GNAQ: variants seen among roughly 807,000 people sequenced by gnomAD.
The protein encoded by GNAQ is G protein subunit alpha q, also known as guanine nucleotide-binding protein G(q) subunit alpha.
GNAQ carries 8 observed loss-of-function variants against 43.9 expected under a neutral mutation model. The observed-to-expected ratio is 0.18, with a 90% CI of 0.11 to 0.33. GNAQ has a LOEUF of 0.33. Among genes scored for constraint, GNAQ ranks in the 10% least tolerant of loss-of-function variants. The pLI, the probability that GNAQ is intolerant of heterozygous loss-of-function variation, is 1.00. For synonymous variants in GNAQ, 155 were observed against 170.7 expected, an observed-to-expected ratio of 0.91 and a Z score of 0.71; for missense variants, 158 against 450.8, an observed-to-expected ratio of 0.35 and a Z score of 5.88.
Position 78,031,091 on chromosome 9 carries a change from G to A in GNAQ, c.136+9C>T, listed in dbSNP as rs531060635. 2.0e-6 allele frequency: 3 copies of A among 1,499,524 alleles called. No individual in the cohort carries two copies. The highest frequency in any genetic ancestry group is 1.3e-5 in the South Asian group (1 of 79,424). The allele number at this position is 1,499,524 out of a possible 1,614,324, so 92.9% of individuals were successfully genotyped here. A position where few individuals can be genotyped will look rare whatever the true frequency, so the allele number is the denominator to read the frequency against. On this transcript the variant is annotated intron_variant, in intron 1 of 6. Transcript: ENST00000286548. ...GCAGAGGCCCGGCGGGGCCCCGGACGGTACTCACCGAGCAGCAGCAGCTTG... is the reference window on the plus strand; with the variant it reads ...GCAGAGGCCCGGCGGGGCCCCGGACAGTACTCACCGAGCAGCAGCAGCTTG...
intron 1 of GNAQ, among the ~76,000 whole-genome samples, chr9:78,011,404 A>C (rs750321506): frequency 6.6e-6 from 1 of 152,238 alleles, no homozygotes; most frequent in Non-Finnish European, 1.5e-5. Context: ...TCCTAAGCAC[A>C]AATGAAGACA....
Position 77,717,470 on chromosome 9 carries a change from G to A in GNAQ, c.*3853C>T, listed in dbSNP as rs1174553035. On this transcript the variant is annotated 3_prime_UTR_variant, in exon 7 of 7. Transcript: ENST00000286548. ...TGAGGGAAATTTCCAACCAATATGT[G>A]AGTCTTGCAGTATTTCATTATACAG... 3 of 232,340 alleles carry A rather than the reference G, an allele frequency of 1.3e-5. No individual in the cohort carries two copies. The highest frequency in any genetic ancestry group is 2.6e-5 in the Non-Finnish European group (3 of 117,626). 14.4% of individuals were successfully genotyped at this position (232,340 alleles called of 1,614,324 possible). A position where few individuals can be genotyped will look rare whatever the true frequency, so the allele number is the denominator to read the frequency against.
At chr9:77,756,614 G>A (rs778657279) in intron 5 of GNAQ, among the ~76,000 whole-genome samples, 4 of 152,218 alleles carry the variant, frequency 2.6e-5, no homozygotes, top group Admixed American at 6.5e-5. Flanking sequence ...GACTGGCCAT[G>A]AGGGGCAGAG....
chr9:77,775,073 T>C (rs1043381133), intron 5 of GNAQ, among the ~76,000 whole-genome samples: 1 of 152,340 alleles, frequency 6.6e-6, no homozygotes. Flanking sequence ...CAATATATCA[T>C]GAGCGACTTT....
rs78492648 is a variant in GNAQ at position 77,949,135 on chromosome 9, T to C, written c.137-26790A>G. Reference sequence around the variant, plus strand: ...AAATGAGGACACTGACACTGAGAGGTTAAATACCTGGCCTGAACCCAAAGA... The same window carrying C: ...AAATGAGGACACTGACACTGAGAGGCTAAATACCTGGCCTGAACCCAAAGA... On this transcript the variant is annotated intron_variant, in intron 1 of 6. Coordinates refer to ENST00000286548, the MANE Select transcript of GNAQ (RefSeq NM_002072.5). 5.0e-3 allele frequency among the ~76,000 whole-genome samples: 754 copies of C among 152,004 alleles called. 22 individuals are homozygous for C. The highest frequency in any genetic ancestry group is 7.4e-3 in the East Asian group (38 of 5,158).
chr9:77,923,786 G>A (rs1037779225), intron 1 of GNAQ, among the ~76,000 whole-genome samples: 1 of 151,932 alleles, frequency 6.6e-6, no homozygotes, highest in Non-Finnish European at 1.5e-5. Flanking sequence ...GAAAGGGAAG[G>A]AAAAGAAGAG....
At chr9:77,796,136 C>A (rs1564113037) in intron 4 of GNAQ, among the ~76,000 whole-genome samples, 1 of 152,288 alleles carries the variant, frequency 6.6e-6, no homozygotes, top group East Asian at 1.9e-4. Flanking sequence ...TAATGCAATA[C>A]AACCATTTTA....
chr9:77,777,044 A>C (rs567244847), intron 5 of GNAQ, among the ~76,000 whole-genome samples: 1 of 152,296 alleles, frequency 6.6e-6, no homozygotes. Flanking sequence ...CATGTGCATC[A>C]GTGTAATAGA....
At chr9:77,850,462 T>A (rs1227739625) in intron 2 of GNAQ, among the ~76,000 whole-genome samples, 6 of 152,192 alleles carry the variant, frequency 3.9e-5, no homozygotes, top group African/African-American at 1.4e-4. Context: ...TCTATGCTCA[T>A]CTTCTGCATC....
intron 1 of GNAQ, among the ~76,000 whole-genome samples, chr9:77,977,369 T>C (rs1357626606): frequency 6.6e-6 from 1 of 152,034 alleles, no homozygotes; most frequent in Non-Finnish European, 1.5e-5. Flanking sequence ...CCCCAAGACT[T>C]TCTTCCTTGA....
chr9:77,794,518 A>G lies in GNAQ; in HGVS notation c.680T>C (p.Met227Thr). Residue 227 changes from methionine to threonine, a missense_variant, in exon 5 of 7, where the codon ATG becomes ACG. Around this residue, in one of 9 missense-constraint regions of GNAQ, gnomAD observed 56 missense variants for 172.2 expected, o/e 0.33. Coordinates refer to ENST00000286548, the MANE Select transcript of GNAQ (RefSeq NM_002072.5). ...IHCFENVTSI[M>T]FLVALSEYDQ... is the part of the protein sequence containing the mutation. ...ATATTCACTAAGCGCTACTAGAAAC[A>G]TGATAGAGGTGACATTTTCAAAGCA... is the stretch of plus-strand genomic sequence containing the variant. The G allele has an allele frequency of 6.2e-7, 1 of 1,604,368 alleles. No individual in the cohort carries two copies.
chr9:77,876,723 T>G (rs1828131325), intron 2 of GNAQ, among the ~76,000 whole-genome samples: 1 of 152,182 alleles, frequency 6.6e-6, no homozygotes, highest in South Asian at 2.1e-4. Context: ...TAAGTATTAT[T>G]AGGATCCCTA....
chr9:78,028,382 T>C (rs150365236), intron 1 of GNAQ, among the ~76,000 whole-genome samples: 4 of 152,272 alleles, frequency 2.6e-5, no homozygotes, highest in Admixed American at 6.5e-5. Context: ...TAAATCAACA[T>C]AGCCCAAATT....
Position 77,810,207 on chromosome 9 carries a change from CATCTATCTATCTATCTATCTATCTATCT to C in GNAQ, c.476+5381_476+5408del, listed in dbSNP as rs10578686. ...TCTATCTTATCTAAAAACTGTCAAT[CATCTATCTATCTATCTATCTATCTATCT>C]ATCTATCTATCTATCTATCTATCTA... is the stretch of plus-strand genomic sequence containing the variant. On this transcript the variant is annotated intron_variant, in intron 3 of 6. Transcript: ENST00000286548. 1.7e-3 allele frequency among the ~76,000 whole-genome samples: 240 copies of C among 144,968 alleles called. 2 individuals are homozygous for C. Among genetic ancestry groups the C allele is most frequent in the African/African-American group, 5.7e-3 (221 of 39,094 alleles).
At chr9:77,887,861 C>T (rs1828336522) in intron 2 of GNAQ, among the ~76,000 whole-genome samples, 1 of 152,204 alleles carries the variant, frequency 6.6e-6, no homozygotes, top group South Asian at 2.1e-4. Flanking sequence ...ATTTTGTCCA[C>T]ACCCTTTCAA....
intron 1 of GNAQ, among the ~76,000 whole-genome samples, chr9:78,023,725 C>T (rs1264941263): frequency 6.6e-6 from 1 of 151,338 alleles, no homozygotes; most frequent in Non-Finnish European, 1.5e-5. Context: ...GCAAGTGATG[C>T]TGATTAAAAA....
At chr9:77,805,786 G>T (rs1479293494) in intron 3 of GNAQ, among the ~76,000 whole-genome samples, 4 of 152,168 alleles carry the variant, frequency 2.6e-5, no homozygotes, top group Non-Finnish European at 5.9e-5. Flanking sequence ...TACCATTTAT[G>T]AATGCTGTTC....
chr9:77,962,819 G>C (rs1564164029), intron 1 of GNAQ, among the ~76,000 whole-genome samples: 1 of 150,164 alleles, frequency 6.7e-6, no homozygotes, highest in East Asian at 2.0e-4. Context: ...TTGAACCCGG[G>C]AGGCAGAGGT....
chr9:77,833,634 A>G (rs941297495), intron 2 of GNAQ, among the ~76,000 whole-genome samples: 26 of 152,350 alleles, frequency 1.7e-4, no homozygotes, highest in African/African-American at 6.0e-4. Context: ...CTGAAGATAA[A>G]GTGAGAACTG....
Sources: gnomAD v4.1 joint callset for allele counts (sites outside exome capture counted in the v4.1 genomes callset) on GRCh38, gnomAD v4.1.1 for gene constraint, gnomAD v4.1.1 regional missense constraint, MANE v1.5 for transcripts, NCBI Gene and HGNC (gene_info 2026-07-23, HGNC 2026-07-21) for gene names.